Variants in CHD9 observed in about 807,000 individuals in gnomAD.
CHD9 encodes the protein ATP-dependent chromatin remodeler CHD9.
Under a neutral mutation model 316.1 loss-of-function variants are expected in CHD9, and 77 were observed. The observed-to-expected ratio is 0.24, with a 90% CI of 0.20 to 0.29. The LOEUF is 0.29. Ranked by LOEUF, CHD9 falls within the 10% of genes least tolerant of loss-of-function variation. CHD9 has a pLI of 1.00. For missense variants in CHD9, 2,763 were observed against 3,438.1 expected (o/e 0.80, Z 4.91); for synonymous variants, 1,129 against 1,158.3 (o/e 0.97, Z 0.51).
chr16:53,232,853 G>A (rs2048299220), intron 10 of CHD9, among the ~76,000 whole-genome samples: 1 of 152,162 alleles, frequency 6.6e-6, no homozygotes, highest in Non-Finnish European at 1.5e-5. Context: ...CCTGTTCTCA[G>A]TATACTGATA....
intron 1 of CHD9, among the ~76,000 whole-genome samples, chr16:53,088,275 C>CT (rs35052198): frequency 0.39 from 49,339 of 126,160 alleles, 12,377 homozygotes; most frequent in East Asian, 0.58. Flanking sequence ...ATGACATGCA[C>CT]TTTGTTTTTT....
Position 53,231,803 on chromosome 16 carries a change from C to A in CHD9, c.2511+19C>A, listed in dbSNP as rs1307036926. On this transcript the variant is annotated intron_variant, in intron 10 of 38. Coordinates refer to ENST00000447540, the MANE Select transcript of CHD9 (RefSeq NM_001308319.2). Reference sequence around the variant, plus strand: ...ACGTTTGGTAAGAACCTGTTTTAGACAGCTTTATAAAATCTTAGCACTTGT... The same window carrying A: ...ACGTTTGGTAAGAACCTGTTTTAGAAAGCTTTATAAAATCTTAGCACTTGT... 1.3e-5 allele frequency: 21 copies of A among 1,575,166 alleles called. No homozygotes were observed. The highest frequency in any genetic ancestry group is 1.6e-5 in the Non-Finnish European group (19 of 1,167,214).
Position 53,111,183 on chromosome 16 carries a change from T to G in CHD9, c.-164-44743T>G, listed in dbSNP as rs182875618. 4.7e-4 allele frequency among the ~76,000 whole-genome samples: 71 copies of G among 152,250 alleles called. No individual in the cohort carries two copies. The East Asian group carries it at 0.013, about 28-fold the overall frequency. On this transcript the variant is annotated intron_variant, in intron 1 of 38. Coordinates refer to ENST00000447540, the MANE Select transcript of CHD9 (RefSeq NM_001308319.2). ...AATCCCTCAGCCACTCCAGCTTTAA[T>G]TTTCTCATCTGCAGAATGAGGGGGC...
chr16:53,193,467 A>G (rs1438590429), intron 2 of CHD9, among the ~76,000 whole-genome samples: 2 of 136,236 alleles, frequency 1.5e-5, no homozygotes, highest in African/African-American at 5.5e-5. Flanking sequence ...AAAAAAAAAA[A>G]TCTTTTAACC....
intron 10 of CHD9, among the ~76,000 whole-genome samples, chr16:53,234,303 C>G (rs919822092): frequency 1.9e-4 from 29 of 152,000 alleles, no homozygotes; most frequent in African/African-American, 6.8e-4. Context: ...TAAATAAAGA[C>G]AGTTTGTTAT....
intron 2 of CHD9, among the ~76,000 whole-genome samples, chr16:53,179,864 C>G (rs2043358840): frequency 6.6e-6 from 1 of 151,016 alleles, no homozygotes; most frequent in Admixed American, 6.6e-5. Flanking sequence ...ACCACTGTAC[C>G]CTACCCTGGG....
At chr16:53,231,901 A>G (rs2048207812) in intron 10 of CHD9, 117 bp downstream of exon 10, 3 of 980,684 alleles carry the variant, frequency 3.1e-6, no homozygotes, top group Non-Finnish European at 2.9e-6. Context: ...GCTTGTTACT[A>G]TGTGAGTCTA....
chr16:53,170,910 T>C (rs1311613273), intron 2 of CHD9, among the ~76,000 whole-genome samples: 1 of 152,150 alleles, frequency 6.6e-6, no homozygotes, highest in Non-Finnish European at 1.5e-5. Context: ...ATTCTGCTTT[T>C]CTTGCAACTC....
intron 19 of CHD9, among the ~76,000 whole-genome samples, chr16:53,259,279 T>C (rs968139925): frequency 6.6e-6 from 1 of 152,230 alleles, no homozygotes; most frequent in African/African-American, 2.4e-5. Context: ...TTATCATTTG[T>C]CTTATAATGA....
chr16:53,143,311 C>T (rs927974465), intron 1 of CHD9, among the ~76,000 whole-genome samples: 1 of 151,506 alleles, frequency 6.6e-6, no homozygotes, highest in African/African-American at 2.4e-5. Flanking sequence ...ATTAAAGCCC[C>T]TTATGTGGAC....
intron 2 of CHD9, chr16:53,208,058 T>A: frequency 1.0e-6 from 1 of 994,344 alleles, no homozygotes; most frequent in Non-Finnish European, 1.2e-6. Flanking sequence ...TCTGGCTATC[T>A]GCTTACAGCT....
intron 1 of CHD9, among the ~76,000 whole-genome samples, chr16:53,133,685 A>G (rs979025020): frequency 1.3e-5 from 2 of 152,200 alleles, no homozygotes; most frequent in East Asian, 1.9e-4. Flanking sequence ...GTGGGCAGAT[A>G]TGAATACAGA....
chr16:53,254,890 T>G (rs1375945974), intron 18 of CHD9, among the ~76,000 whole-genome samples: 1 of 152,238 alleles, frequency 6.6e-6, no homozygotes, highest in Non-Finnish European at 1.5e-5. Flanking sequence ...AATTTGTGTT[T>G]ATATAAACAA....
chr16:53,213,312 G>C (rs928625175), intron 3 of CHD9, among the ~76,000 whole-genome samples: 7 of 152,104 alleles, frequency 4.6e-5, no homozygotes, highest in African/African-American at 1.7e-4. Context: ...GGTGAGGTAG[G>C]CCTGGAAAAC....
rs1405938639 is a variant in CHD9 at position 53,190,616 on chromosome 16, T to G, written c.1453-18866T>G. On this transcript the variant is annotated intron_variant, in intron 2 of 38. Coordinates refer to ENST00000447540, the MANE Select transcript of CHD9 (RefSeq NM_001308319.2). ...TTATCTCATCATTATAAAAATTAGC[T>G]TATTTTCTGAGAACACTTTCAAGTC... is the stretch of plus-strand genomic sequence containing the variant. Among the ~76,000 whole-genome samples the G allele has an allele frequency of 2.6e-5, 4 of 152,256 alleles. No individual in the cohort carries two copies. In the East Asian group the frequency reaches 5.8e-4, roughly 22 times the overall value.
chr16:53,162,144 A>T (rs551768308), intron 2 of CHD9, among the ~76,000 whole-genome samples: 1 of 152,354 alleles, frequency 6.6e-6, no homozygotes, highest in East Asian at 1.9e-4. Context: ...GTCAATTGTT[A>T]ACAACAGTGA....
At chr16:53,204,003 G>A (rs1255806270) in intron 2 of CHD9, among the ~76,000 whole-genome samples, 22 of 125,662 alleles carry the variant, frequency 1.8e-4, no homozygotes, top group Admixed American at 1.3e-3. Flanking sequence ...CAGCCTGGGC[G>A]ACAGAGCAAG....
intron 1 of CHD9, among the ~76,000 whole-genome samples, chr16:53,109,133 G>T (rs910491949): frequency 6.6e-6 from 1 of 152,096 alleles, no homozygotes; most frequent in East Asian, 1.9e-4. Flanking sequence ...TGCCATGCCC[G>T]GTTGCCCTGT....
At chr16:53,237,483 C>T (rs2048731527) in intron 11 of CHD9, among the ~76,000 whole-genome samples, 1 of 152,118 alleles carries the variant, frequency 6.6e-6, no homozygotes, top group African/African-American at 2.4e-5. Flanking sequence ...CAAATGTCTT[C>T]TATTTATGAC....
Sources: gnomAD v4.1 joint callset for allele counts (sites outside exome capture counted in the v4.1 genomes callset) on GRCh38, gnomAD v4.1.1 for gene constraint, MANE v1.5 for transcripts, NCBI Gene and HGNC (gene_info 2026-07-23, HGNC 2026-07-21) for gene names.